Variants in PDE11A observed in about 807,000 individuals in gnomAD.
PDE11A encodes dual 3',5'-cyclic-AMP and -GMP phosphodiesterase 11A.
A neutral mutation model predicts 100.5 loss-of-function variants in PDE11A; 100 were observed. That is an observed-to-expected ratio of 1.00 (90% CI 0.85 to 1.18). The LOEUF is 1.18. Ranked by LOEUF, PDE11A falls within the 50% of genes most tolerant of loss-of-function variation. PDE11A has a pLI of 0.00. For missense variants in PDE11A, 1,141 were observed against 1,152.6 expected (o/e 0.99, Z 0.15); for synonymous variants, 381 against 420.8 (o/e 0.91, Z 1.16).
chr2:177,943,974 T>C (rs2085374561), intron 2 of PDE11A, among the ~76,000 whole-genome samples: 1 of 152,228 alleles, frequency 6.6e-6, no homozygotes, highest in Non-Finnish European at 1.5e-5. Flanking sequence ...AACTTATTGA[T>C]GGAGCCACTT....
intron 2 of PDE11A, among the ~76,000 whole-genome samples, chr2:177,973,068 G>C (rs1162899431): frequency 6.6e-6 from 1 of 152,158 alleles, no homozygotes; most frequent in Non-Finnish European, 1.5e-5. Flanking sequence ...CAAGAAAATG[G>C]CTGAGGGAGG....
chr2:177,877,045 G>GA (rs2084251931), intron 4 of PDE11A, among the ~76,000 whole-genome samples: 1 of 147,394 alleles, frequency 6.8e-6, no homozygotes, highest in East Asian at 1.9e-4. Context: ...TTGAGGGGTA[G>GA]AAAAAAATTT....
intron 2 of PDE11A, among the ~76,000 whole-genome samples, chr2:178,087,116 C>T (rs1269509540): frequency 6.6e-6 from 1 of 152,084 alleles, no homozygotes; most frequent in Non-Finnish European, 1.5e-5. Flanking sequence ...GTGGGCAGAT[C>T]ACAAGATCAG....
chr2:178,030,682 A>G (rs1350627733), intron 1 of PDE11A, among the ~76,000 whole-genome samples: 4 of 152,080 alleles, frequency 2.6e-5, no homozygotes, highest in South Asian at 4.1e-4. Context: ...TTGAGACTAG[A>G]GTGGGCAACA....
chr2:177,800,480 C>T (rs1181752427), intron 9 of PDE11A, among the ~76,000 whole-genome samples: 1 of 152,080 alleles, frequency 6.6e-6, no homozygotes, highest in Non-Finnish European at 1.5e-5. Flanking sequence ...CTCTAACAGT[C>T]TAATTTTAAA....
At chr2:177,750,325 G>C (rs2082009013) in intron 10 of PDE11A, among the ~76,000 whole-genome samples, 1 of 152,208 alleles carries the variant, frequency 6.6e-6, no homozygotes, top group African/African-American at 2.4e-5. Context: ...AAATGAAGCA[G>C]CTTTGAAATA....
At chr2:178,051,227 CA>C (rs2086822699) in intron 1 of PDE11A, among the ~76,000 whole-genome samples, 1 of 152,190 alleles carries the variant, frequency 6.6e-6, no homozygotes, top group Non-Finnish European at 1.5e-5. Context: ...AAAGAATTTT[CA>C]ACCCAGAATT....
At chr2:177,843,631 T>C (rs1406311672) in intron 5 of PDE11A, among the ~76,000 whole-genome samples, 1 of 152,168 alleles carries the variant, frequency 6.6e-6, no homozygotes, top group Non-Finnish European at 1.5e-5. Context: ...ATTGAAATCA[T>C]TGTAAAATCA....
chr2:177,939,896 T>A (rs577377261), intron 2 of PDE11A, among the ~76,000 whole-genome samples: 2 of 152,222 alleles, frequency 1.3e-5, no homozygotes, highest in Non-Finnish European at 2.9e-5. Flanking sequence ...TATCAGCCAA[T>A]CATAAGTGGA....
chr2:177,741,181 G>T (rs926506170), intron 10 of PDE11A, among the ~76,000 whole-genome samples: 1 of 152,200 alleles, frequency 6.6e-6, no homozygotes, highest in African/African-American at 2.4e-5. Flanking sequence ...GAGGCTGGAA[G>T]TGCAAAAGCA....
intron 2 of PDE11A, among the ~76,000 whole-genome samples, chr2:177,991,150 C>T (rs2085999131): frequency 6.7e-6 from 1 of 148,866 alleles, no homozygotes; most frequent in Non-Finnish European, 1.5e-5. Flanking sequence ...ATGGTAAAAC[C>T]ACCATCTCTA....
intron 12 of PDE11A, among the ~76,000 whole-genome samples, chr2:177,724,948 T>A (rs1239983362): frequency 1.3e-5 from 2 of 152,052 alleles, no homozygotes; most frequent in East Asian, 3.9e-4. Flanking sequence ...CATGGTGAGT[T>A]TCTTTTCTTT....
chr2:177,935,698 A>T (rs1057395998), intron 2 of PDE11A, among the ~76,000 whole-genome samples: 10 of 152,214 alleles, frequency 6.6e-5, no homozygotes, highest in African/African-American at 2.4e-4. Flanking sequence ...CAGGATGCTC[A>T]GGGGCATGCC....
At chr2:178,060,414 C>G (rs562000445) in intron 1 of PDE11A, among the ~76,000 whole-genome samples, 184 of 152,276 alleles carry the variant, frequency 1.2e-3, no homozygotes, top group Middle Eastern at 0.01. Context: ...GCATATTGAC[C>G]TCCACCCTTT....
At chr2:177,874,771 T>G (rs1480328732) in intron 5 of PDE11A, among the ~76,000 whole-genome samples, 1 of 152,240 alleles carries the variant, frequency 6.6e-6, no homozygotes, top group Non-Finnish European at 1.5e-5. Context: ...TTTTACTTTT[T>G]TTATTGGAAG....
At chr2:178,059,505 A>T (rs1190114074) in intron 1 of PDE11A, among the ~76,000 whole-genome samples, 1 of 152,078 alleles carries the variant, frequency 6.6e-6, no homozygotes, top group Non-Finnish European at 1.5e-5. Flanking sequence ...GGAAGGGGAG[A>T]TTGACTTCCC....
chr2:178,001,275 AGTGTGTGT>A (rs57136586), intron 2 of PDE11A, among the ~76,000 whole-genome samples: 10 of 140,650 alleles, frequency 7.1e-5, no homozygotes, highest in African/African-American at 2.4e-4. Flanking sequence ...ACAATGTGAA[AGTGTGTGT>A]GTGTGTGTGT....
chr2:177,924,016 G>A (rs2085092053), intron 2 of PDE11A, among the ~76,000 whole-genome samples: 1 of 152,156 alleles, frequency 6.6e-6, no homozygotes, highest in African/African-American at 2.4e-5. Flanking sequence ...ATATTCACCA[G>A]GTCAAGAAAC....
chr2:177,817,001 G>C, intron 8 of PDE11A, 80 bp from the exon 9 acceptor site: 1 of 806,994 alleles, frequency 1.2e-6, no homozygotes, highest in Non-Finnish European at 2.2e-6. Context: ...CAGCCACCAG[G>C]GATGGGTCTG....
Sources: allele counts gnomAD v4.1 joint callset (sites outside exome capture counted in the v4.1 genomes callset), GRCh38; gene constraint gnomAD v4.1.1; transcripts MANE v1.5; gene names NCBI Gene and HGNC (gene_info 2026-07-23, HGNC 2026-07-21).